The following FMO5 variants were observed in gnomAD, a reference collection of about 807,000 sequenced individuals.
The protein encoded by FMO5 is flavin containing dimethylaniline monoxygenase 5, also known as flavin-containing monooxygenase 5.
In FMO5, 51 loss-of-function variants were observed where a neutral mutation model predicts 43.6. The observed-to-expected ratio is 1.17, with a 90% confidence interval of 0.93 to 1.48. The LOEUF is 1.48. Among genes scored for constraint, FMO5 ranks in the 40% most tolerant of loss-of-function variants. The pLI is 0.00. For missense variants in FMO5, 644 were observed against 643.0 expected (o/e 1.00, Z -0.02); for synonymous variants, 187 against 216.5 (o/e 0.86, Z 1.20).
Position 147,201,287 on chromosome 1 carries a change from T to C in FMO5, c.1048A>G (p.Ile350Val), listed in dbSNP as rs782472747. 2 of 1,614,122 alleles carry C rather than the reference T, an allele frequency of 1.2e-6. No homozygotes were observed. The highest frequency in any genetic ancestry group is 1.7e-6 in the Non-Finnish European group (2 of 1,180,006). The change falls in exon 7 of 9, where the codon ATA becomes GTA. Residue 350 changes from isoleucine (I) to valine (V), a missense_variant. By Grantham distance (29) the Ile-to-Val change is conservative. Coordinates refer to ENST00000254090, the MANE Select transcript of FMO5 (RefSeq NM_001461.4). ...GGGAAGACCTTTTTATACAGGGATA[T>C]CTTGTTTTTGACCACTTTGACGGAA... The part of the protein sequence containing the change: ...EDSVKVVKNK[I>V]SLYKKVFPPN...
chr1:147,202,252 A>G (rs1659104885), intron 6 of FMO5, among the ~76,000 whole-genome samples: 2 of 151,156 alleles, frequency 1.3e-5, no homozygotes, highest in Non-Finnish European at 2.9e-5. Flanking sequence ...TTTTTTTGCC[A>G]TTACTTTTAA....
intron 2 of FMO5, among the ~76,000 whole-genome samples, chr1:147,219,966 G>A (rs1662722769): frequency 6.6e-6 from 1 of 151,786 alleles, no homozygotes; most frequent in Non-Finnish European, 1.5e-5. Context: ...AGCCTCCGGA[G>A]TAACTGGGAC....
intron 4 of FMO5, 70 bp from the exon 5 acceptor site, chr1:147,212,605 T>A: frequency 1.4e-6 from 2 of 1,427,780 alleles, no homozygotes; most frequent in Non-Finnish European, 1.9e-6. Context: ...AAGTCATTTG[T>A]TTTTTTTGCA....
chr1:147,212,405 T>C lies in FMO5; in HGVS notation c.618A>G (p.Gln206=). The change falls in exon 5 of 9, where the codon CAA becomes CAG. Residue 206 remains glutamine (Q), a synonymous_variant. Coordinates refer to ENST00000254090, the MANE Select transcript of FMO5 (RefSeq NM_001461.4). ...SGGDLAVEIS[Q]TAKQVFLSTR... The stretch of plus-strand genomic sequence containing the variant: ...GAGTGATTCAAACCTGCTTGGCTGT[T>C]TGGCTAATCTCTACAGCCAGATCCC... 1 of 1,614,038 alleles carries C rather than the reference T, an allele frequency of 6.2e-7. No homozygotes were observed. The highest frequency in any genetic ancestry group is 8.5e-7 in the Non-Finnish European group (1 of 1,179,968).
Position 147,203,111 on chromosome 1 carries a change from T to C in FMO5, c.831-1607A>G, listed in dbSNP as rs587634981. 1.3e-4 allele frequency among the ~76,000 whole-genome samples: 3 copies of C among 23,266 alleles called. No homozygotes were observed. In the East Asian group the frequency reaches 7.1e-3, roughly 55 times the overall value. The allele number at this position is 23,266 out of a possible 152,430, so 15.3% of individuals were successfully genotyped here. ...ACTTTTTATTTAGTAGACCAAAGGT[T>C]TCCTTTTTTTTTTTTGACAGTAACA... is the stretch of plus-strand genomic sequence containing the variant. On this transcript the variant is annotated intron_variant, in intron 6 of 8. Transcript: ENST00000254090.
Position 147,215,918 on chromosome 1 carries a change from TG to T in FMO5, c.159del (p.Ser54ValfsTer6), listed in dbSNP as rs1553924981. 8.7e-6 allele frequency: 14 copies of T among 1,607,718 alleles called. No homozygotes were observed. Among genetic ancestry groups the T allele is most frequent in the Middle Eastern group, 3.3e-4 (2 of 6,038 alleles). ...RFQENPEEGRASIYKSVIINT... is the reference protein window; with the variant it reads ...RFQENPEEGRXSIYKSVIINT... ...TTGATGATCACTGATTTGTAAATAC[TG>T]GCCCTTCCTTCTTCAGGATTTTCCT... On this transcript the variant is annotated frameshift_variant, in exon 3 of 9. Coordinates refer to ENST00000254090, the MANE Select transcript of FMO5 (RefSeq NM_001461.4). LOFTEE classifies it high-confidence loss of function.
chr1:147,190,173 T>C lies in FMO5; in HGVS notation c.1256+4A>G. The C allele has an allele frequency of 6.3e-7, 1 of 1,592,264 alleles. No individual in the cohort carries two copies. ...CCATATATCTTCCTGGGAGAGTTTC[T>C]TACCTTTTGTCAATTTCCTCTTGAG... is the stretch of plus-strand genomic sequence containing the variant. On this transcript the variant is annotated splice_donor_region_variant and intron_variant, in intron 8 of 8. Coordinates refer to ENST00000254090, the MANE Select transcript of FMO5 (RefSeq NM_001461.4).
Position 147,187,216 on chromosome 1 carries a change from T to C in FMO5, c.1286A>G (p.Gln429Arg). 1 of 1,613,082 alleles carries C rather than the reference T, an allele frequency of 6.2e-7. No individual in the cohort carries two copies. The highest frequency in any genetic ancestry group is 8.5e-7 in the Non-Finnish European group (1 of 1,179,532). The stretch of plus-strand genomic sequence containing the variant: ...TTCCATGGTATCTATGTAGTCTCCC[T>C]GAATGGTATGGCGTTGGCTCTCCAC... ...RYVESQRHTIQGDYIDTMEEL... is the reference protein window; with the variant it reads ...RYVESQRHTIRGDYIDTMEEL... The change falls in exon 9 of 9, where the codon CAG (glutamine) becomes CGG (arginine). Residue 429 changes from glutamine to arginine, a missense_variant. Transcript: ENST00000254090.
At chr1:147,197,854 C>G (rs1658280562) in intron 7 of FMO5, among the ~76,000 whole-genome samples, 1 of 152,136 alleles carries the variant, frequency 6.6e-6, no homozygotes, top group Non-Finnish European at 1.5e-5. Flanking sequence ...GCTTCTCCAG[C>G]CCCTAGCAGA....
chr1:147,215,644 C>T (rs1051316026), intron 3 of FMO5, 110 bp downstream of exon 3: 6 of 744,794 alleles, frequency 8.1e-6, no homozygotes, highest in African/African-American at 5.4e-5. Context: ...AGGATAAATA[C>T]ATGTGCAAAT....
chr1:147,201,307 A>G lies in FMO5; in HGVS notation c.1028T>C (p.Val343Ala). 1 of 1,614,146 alleles carries G rather than the reference A, an allele frequency of 6.2e-7. No homozygotes were observed. Among genetic ancestry groups the G allele is most frequent in the South Asian group, 1.1e-5 (1 of 91,084 alleles). Reference sequence around the variant, plus strand: ...GGATATCTTGTTTTTGACCACTTTGACGGAATCTTCCAGAAATGGAAAGTC... The same window carrying G: ...GGATATCTTGTTTTTGACCACTTTGGCGGAATCTTCCAGAAATGGAAAGTC... ...SFDFPFLEDS[V>A]KVVKNKISLY... Residue 343 changes from valine to alanine, a missense_variant, in exon 7 of 9, where the codon GTC (valine) becomes GCC (alanine). Transcript: ENST00000254090.
intron 3 of FMO5, among the ~76,000 whole-genome samples, chr1:147,214,523 A>G (rs1256820139): frequency 6.6e-6 from 1 of 151,490 alleles, no homozygotes; most frequent in Non-Finnish European, 1.5e-5. Flanking sequence ...AGCACTATTT[A>G]TAGTTCCTCT....
In FMO5 at chr1:147,209,152, G is replaced by C. The variant is rs1024694608; in HGVS notation, c.631-101C>G. ...GAATCATTTCAGGCCCGGCGCGGTG[G>C]CTCACGCCTGTAATCCCAGCACTTT... On this transcript the variant is annotated intron_variant, in intron 5 of 8. Transcript: ENST00000254090. 19 of 921,560 alleles carry C rather than the reference G, an allele frequency of 2.1e-5. No homozygotes were observed. In the East Asian group the frequency reaches 5.1e-4, roughly 25 times the overall value. 57.1% of individuals were successfully genotyped at this position (921,560 alleles called of 1,614,324 possible).
chr1:147,187,568 G>C (rs1655853993), intron 8 of FMO5, among the ~76,000 whole-genome samples: 1 of 152,170 alleles, frequency 6.6e-6, no homozygotes, highest in African/African-American at 2.4e-5. Flanking sequence ...GGCAGGTATA[G>C]CACATCTAGA....
intron 7 of FMO5, among the ~76,000 whole-genome samples, chr1:147,191,630 T>C (rs1297155329): frequency 6.6e-6 from 1 of 151,512 alleles, no homozygotes; most frequent in Non-Finnish European, 1.5e-5. Flanking sequence ...CCCATTTTCT[T>C]GGTTGCCTGT....
At chr1:147,208,651 A>G in intron 6 of FMO5, 1 of 459,760 alleles carries the variant, frequency 2.2e-6, no homozygotes, top group South Asian at 2.2e-5. Context: ...GTTGGCCAGG[A>G]TGGTCTCAAA....
chr1:147,205,078 CCT>C, intron 6 of FMO5: 1 of 615,128 alleles, frequency 1.6e-6, no homozygotes, highest in Non-Finnish European at 2.9e-6. Context: ...ACATGCAAGT[CCT>C]GGAGCATAAT....
At chr1:147,191,504 A>T (rs1349578207) in intron 7 of FMO5, among the ~76,000 whole-genome samples, 1 of 151,400 alleles carries the variant, frequency 6.6e-6, no homozygotes, top group Non-Finnish European at 1.5e-5. Flanking sequence ...GTCTGTTCAT[A>T]TCCTTTGCCC....
chr1:147,203,968 TCGGAC>T, intron 6 of FMO5: 1 of 1,232,402 alleles, frequency 8.1e-7, no homozygotes, highest in South Asian at 1.2e-5. Context: ...TACAGAGTCT[TCGGAC>T]ATCCCATTTT....
Sources: allele counts gnomAD v4.1 joint callset (sites outside exome capture counted in the v4.1 genomes callset), GRCh38; gene constraint gnomAD v4.1.1; transcripts MANE v1.5; gene names NCBI Gene and HGNC (gene_info 2026-07-23, HGNC 2026-07-21).